TENM3: variants seen among roughly 807,000 people sequenced by gnomAD.
TENM3 encodes teneurin-3.
A neutral mutation model predicts 255.1 loss-of-function variants in TENM3; 63 were observed. The ratio of observed to expected loss-of-function variants is 0.25; its 90% CI spans 0.20 to 0.30. The LOEUF is 0.30. TENM3 is among the 10% of genes least tolerant of loss of function. The pLI, the probability that TENM3 is intolerant of heterozygous loss-of-function variation, is 1.00. For synonymous variants in TENM3, 1,306 were observed against 1,322.3 expected (o/e 0.99, Z 0.27); for missense variants, 2,929 against 3,461.1 (o/e 0.85, Z 3.86).
At chr4:181,489,897 G>A in the TENM3 span, among the ~76,000 whole-genome samples, 2 of 152,112 alleles carry the variant, frequency 1.3e-5, no homozygotes, top group Non-Finnish European at 2.9e-5. Flanking sequence ...AATATTTCCA[G>A]ATCATTTGGT....
the TENM3 span, among the ~76,000 whole-genome samples, chr4:181,450,257 A>G: frequency 1.3e-5 from 2 of 152,176 alleles, no homozygotes; most frequent in Admixed American, 1.3e-4. Flanking sequence ...ACTATAATTA[A>G]TGATACAATG....
chr4:181,642,022 T>C, the TENM3 span, among the ~76,000 whole-genome samples: 1 of 151,666 alleles, frequency 6.6e-6, no homozygotes, highest in East Asian at 2.0e-4. Context: ...GTATTTCTAG[T>C]TCTAGGTCCT....
At chr4:182,001,593 C>T in the TENM3 span, among the ~76,000 whole-genome samples, 1 of 152,006 alleles carries the variant, frequency 6.6e-6, no homozygotes, top group African/African-American at 2.4e-5. Flanking sequence ...TAAATTATAG[C>T]TTCCATCAAC....
At chr4:182,062,177 A>C in the TENM3 span, among the ~76,000 whole-genome samples, 2 of 152,184 alleles carry the variant, frequency 1.3e-5, no homozygotes, top group African/African-American at 4.8e-5. Context: ...GGTGAAGCAG[A>C]TTAAACAGGT....
At chr4:182,122,006 C>T in the TENM3 span, among the ~76,000 whole-genome samples, 3 of 152,192 alleles carry the variant, frequency 2.0e-5, no homozygotes, top group Admixed American at 6.5e-5. Context: ...GTCATTTTGA[C>T]AATGTTCACA....
chr4:181,925,133 T>A, the TENM3 span, among the ~76,000 whole-genome samples: 4 of 152,218 alleles, frequency 2.6e-5, no homozygotes, highest in Non-Finnish European at 5.9e-5. Context: ...ATAATTATAA[T>A]TATATTAAGA....
rs191685985 is a variant in TENM3, at chr4:182,244,054, C to G, written c.-76+578C>G. Among the ~76,000 whole-genome samples the G allele has an allele frequency of 4.1e-3, 604 of 148,268 alleles. 6 individuals carry two copies. Among genetic ancestry groups the G allele is most frequent in the African/African-American group, 0.014 (581 of 40,110 alleles). ...CTGCAAGCTCCGCCTCCCGGGTTCA[C>G]GCCATTCTCCTGCCTCAGCCTCCCG... On this transcript the variant is annotated intron_variant, in intron 1 of 27. Transcript: ENST00000511685.
the TENM3 span, among the ~76,000 whole-genome samples, chr4:181,605,509 A>G: frequency 2.7e-3 from 51 of 18,788 alleles, 1 homozygote; most frequent in African/African-American, 6.4e-3. Context: ...AAAGAAAGAA[A>G]GAAAGAAAGA....
At chr4:182,563,585 A>G (rs991498225) in intron 3 of TENM3, among the ~76,000 whole-genome samples, 8 of 152,198 alleles carry the variant, frequency 5.3e-5, no homozygotes, top group African/African-American at 1.9e-4. Flanking sequence ...AATCATTTTT[A>G]TAAGCTTCAT....
At chr4:182,460,530 G>T (rs2151386089) in intron 3 of TENM3, among the ~76,000 whole-genome samples, 1 of 152,298 alleles carries the variant, frequency 6.6e-6, no homozygotes, top group African/African-American at 2.4e-5. Flanking sequence ...GGTTGCCTGT[G>T]AAAGGATGGA....
At chr4:182,169,597 A>T (rs1000817405) in intron 1 of TENM3, among the ~76,000 whole-genome samples, 4 of 152,162 alleles carry the variant, frequency 2.6e-5, no homozygotes, top group Admixed American at 6.6e-5. Context: ...TTCCAGTAAT[A>T]ATGAGAAACG....
intron 1 of TENM3, among the ~76,000 whole-genome samples, chr4:182,156,052 A>G (rs1468657750): frequency 6.9e-6 from 1 of 143,950 alleles, no homozygotes; most frequent in African/African-American, 2.6e-5. Context: ...TTACAAGTAC[A>G]TGTGTTTTGT....
intron 13 of TENM3, among the ~76,000 whole-genome samples, chr4:182,725,165 G>A (rs935002670): frequency 6.6e-6 from 1 of 151,930 alleles, no homozygotes; most frequent in African/African-American, 2.4e-5. Flanking sequence ...TGCCTCCCAA[G>A]TAGCTGGGAC....
the TENM3 span, among the ~76,000 whole-genome samples, chr4:181,482,371 G>C: frequency 2.4e-3 from 367 of 152,122 alleles, 2 homozygotes; most frequent in Middle Eastern, 6.8e-3. Context: ...ATATTTTGCT[G>C]TTCCTGCAAC....
the TENM3 span, among the ~76,000 whole-genome samples, chr4:181,784,265 C>G: frequency 2.6e-5 from 4 of 151,470 alleles, no homozygotes; most frequent in Non-Finnish European, 5.9e-5. Flanking sequence ...TTATTTGAAT[C>G]ACATATGAGT....
the TENM3 span, among the ~76,000 whole-genome samples, chr4:181,921,810 G>C: frequency 6.6e-6 from 1 of 152,144 alleles, no homozygotes; most frequent in East Asian, 1.9e-4. Context: ...CCTGTCTTGT[G>C]CCAGTTTTCA....
At chr4:182,683,911 T>C (rs1423681304) in intron 11 of TENM3, among the ~76,000 whole-genome samples, 2 of 151,646 alleles carry the variant, frequency 1.3e-5, no homozygotes, top group Admixed American at 1.3e-4. Context: ...AGACAGGACC[T>C]GCTGAAAAAA....
intron 1 of TENM3, among the ~76,000 whole-genome samples, chr4:182,227,335 A>T (rs755951933): frequency 6.6e-6 from 1 of 152,160 alleles, no homozygotes; most frequent in African/African-American, 2.4e-5. Flanking sequence ...ACAGTCATGT[A>T]GCCATAGGGT....
Position 182,494,786 on chromosome 4 carries a change from C to T in TENM3, c.512-106138C>T, listed in dbSNP as rs1242723001. On this transcript the variant is annotated intron_variant, in intron 3 of 27. Coordinates refer to ENST00000511685, the MANE Select transcript of TENM3 (RefSeq NM_001080477.4). The stretch of plus-strand genomic sequence containing the variant: ...ACTCGAAGGTATGCCTTAATAGTAC[C>T]AGGAACTTCTAAACTTTCATAGTTT... 2.0e-5 allele frequency among the ~76,000 whole-genome samples: 3 copies of T among 152,094 alleles called. No individual in the cohort carries two copies. The East Asian group carries it at 5.8e-4, about 29-fold the overall frequency.
Sources: allele counts gnomAD v4.1 joint callset (sites outside exome capture counted in the v4.1 genomes callset), GRCh38; gene constraint gnomAD v4.1.1; transcripts MANE v1.5; gene names NCBI Gene and HGNC (gene_info 2026-07-23, HGNC 2026-07-21).